HIVEP3: variants seen among roughly 807,000 people sequenced by gnomAD.
HIVEP3 encodes the protein transcription factor HIVEP3.
In HIVEP3, 49 loss-of-function variants were observed where a neutral mutation model predicts 152.8. The observed-to-expected ratio is 0.32, with a 90% CI of 0.26 to 0.41. The LOEUF (loss-of-function observed/expected upper bound fraction) is 0.41, where lower values mean the gene tolerates loss of function less well. Ranked by LOEUF, HIVEP3 falls within the 10% of genes least tolerant of loss-of-function variation. HIVEP3 has a pLI of 1.00. For synonymous variants in HIVEP3, 1,269 were observed against 1,289.0 expected (o/e 0.98, Z 0.33); for missense variants, 2,790 against 3,103.3 (o/e 0.90, Z 2.40).
At chr1:41,585,998 C>T (rs769654525) in intron 3 of HIVEP3, among the ~76,000 whole-genome samples, 30 of 152,206 alleles carry the variant, frequency 2.0e-4, no homozygotes, top group Non-Finnish European at 4.1e-4. Context: ...GAAGACAAAA[C>T]TGCAAACTAC....
At chr1:41,512,104 C>T (rs565254154) in intron 8 of HIVEP3, among the ~76,000 whole-genome samples, 6 of 152,118 alleles carry the variant, frequency 3.9e-5, no homozygotes, top group South Asian at 2.1e-4. Context: ...GGGAATTGCA[C>T]GAGTATTTAC....
At chr1:41,839,387 T>C (rs909333196) in intron 1 of HIVEP3, among the ~76,000 whole-genome samples, 6 of 152,218 alleles carry the variant, frequency 3.9e-5, no homozygotes, top group Admixed American at 3.9e-4. Context: ...TCTAAAGACC[T>C]GCAGTCCTAA....
At chr1:41,601,897 T>C (rs746974220) in intron 3 of HIVEP3, among the ~76,000 whole-genome samples, 1 of 152,190 alleles carries the variant, frequency 6.6e-6, no homozygotes, top group African/African-American at 2.4e-5. Context: ...ATGGCTTTTA[T>C]TATGTTGAAG....
chr1:41,701,050 A>C, intron 1 of HIVEP3, 55 bp from the exon 2 acceptor site: 1 of 894,036 alleles, frequency 1.1e-6, no homozygotes, highest in Non-Finnish European at 1.3e-6. Context: ...GTCAACTTTC[A>C]TCTGAGTTTG....
intron 2 of HIVEP3, among the ~76,000 whole-genome samples, chr1:41,694,412 C>T (rs1646242051): frequency 6.6e-6 from 1 of 152,168 alleles, no homozygotes; most frequent in South Asian, 2.1e-4. Flanking sequence ...TTTCCTACCA[C>T]ACCTGGCAGG....
chr1:41,799,659 C>A (rs1280984086), intron 1 of HIVEP3, among the ~76,000 whole-genome samples: 2 of 152,140 alleles, frequency 1.3e-5, no homozygotes, highest in Admixed American at 1.3e-4. Context: ...TAATACATTT[C>A]CTCTTTTTTT....
At chr1:41,811,179 G>A (rs1186148785) in intron 1 of HIVEP3, among the ~76,000 whole-genome samples, 1 of 151,146 alleles carries the variant, frequency 6.6e-6, no homozygotes, top group Non-Finnish European at 1.5e-5. Flanking sequence ...GGCAGCTAGT[G>A]AATAGTCTCC....
chr1:41,513,377 G>A lies in HIVEP3; in HGVS notation c.5844C>T (p.Gly1948=), dbSNP rs775550563. The change falls in exon 8 of 9, where the codon GGC becomes GGT. Residue 1948 remains glycine (G), a synonymous_variant. Transcript: ENST00000372583. ...CTGAGCCTGTGTCTTTCTCCACAGA[G>A]CCCAGAGGGGCCGGTCCCAGCCAGG... ...GLPWLGPAPL[G]SVEKDTGSAL... 6.2e-7 allele frequency: 1 copy of A among 1,612,016 alleles called. No homozygotes were observed. The highest frequency in any genetic ancestry group is 8.5e-7 in the Non-Finnish European group (1 of 1,179,348).
At chr1:41,734,208 C>T (rs1646882549) in intron 1 of HIVEP3, among the ~76,000 whole-genome samples, 1 of 152,220 alleles carries the variant, frequency 6.6e-6, no homozygotes, top group South Asian at 2.1e-4. Context: ...TGGATGGTGC[C>T]TTTGGCTTCA....
At chr1:41,702,909 G>A (rs1018728769) in intron 1 of HIVEP3, among the ~76,000 whole-genome samples, 1 of 152,180 alleles carries the variant, frequency 6.6e-6, no homozygotes, top group African/African-American at 2.4e-5. Flanking sequence ...ATGGAGCCAG[G>A]CTGCAGGACT....
chr1:41,957,220 A>G (rs1034058159), intron 1 of HIVEP3, among the ~76,000 whole-genome samples: 18 of 116,406 alleles, frequency 1.5e-4, no homozygotes, highest in African/African-American at 4.9e-4. Context: ...CAAAAAAACT[A>G]AAAGTTTTGC....
intron 1 of HIVEP3, among the ~76,000 whole-genome samples, chr1:41,960,486 T>A (rs1247194791): frequency 6.6e-6 from 1 of 152,134 alleles, no homozygotes; most frequent in African/African-American, 2.4e-5. Flanking sequence ...TACAGGGGAA[T>A]AAGAGTTCAA....
intron 5 of HIVEP3, among the ~76,000 whole-genome samples, chr1:41,544,746 A>ACTACCACCT (rs1643641704): frequency 2.3e-5 from 3 of 131,416 alleles, no homozygotes; most frequent in Non-Finnish European, 3.3e-5. Flanking sequence ...CATCACCACC[A>ACTACCACCT]CTACCACCAC....
chr1:41,891,581 C>T (rs866416805), intron 1 of HIVEP3, among the ~76,000 whole-genome samples: 2 of 152,118 alleles, frequency 1.3e-5, no homozygotes, highest in Non-Finnish European at 2.9e-5. Flanking sequence ...TCGGTGTGTC[C>T]CCAGCACAGC....
chr1:41,583,841 G>A lies in HIVEP3; in HGVS notation c.957C>T (p.Ser319=). 1 of 1,609,110 alleles carries A rather than the reference G, an allele frequency of 6.2e-7. No individual in the cohort carries two copies. The highest frequency in any genetic ancestry group is 8.5e-7 in the Non-Finnish European group (1 of 1,177,158). The part of the protein sequence containing the change: ...SGLYSSGSHS[S]SHERCSLSQS... The stretch of plus-strand genomic sequence containing the variant: ...GGGACAGGGAACAGCGTTCGTGGCT[G>A]GAACTGTGGCTCCCAGAGCTGTATA... The change falls in exon 4 of 9, where the codon TCC becomes TCT. Residue 319 remains serine, a synonymous_variant. Transcript: ENST00000372583. The surrounding 1 kb of genome is among the most constrained non-coding windows in gnomAD (Gnocchi z 6.9).
intron 5 of HIVEP3, 109 bp from the exon 6 acceptor site, chr1:41,525,019 A>G (rs1642860098): frequency 3.8e-6 from 4 of 1,040,796 alleles, no homozygotes; most frequent in Non-Finnish European, 5.6e-6. Flanking sequence ...TACAGACGCA[A>G]GGAATGGAGG....
chr1:41,704,721 T>C (rs980619320), intron 1 of HIVEP3, among the ~76,000 whole-genome samples: 1 of 152,250 alleles, frequency 6.6e-6, no homozygotes, highest in Non-Finnish European at 1.5e-5. Flanking sequence ...CAGCTGCCCA[T>C]GTCTGTTTCC....
chr1:41,827,678 TAATA>T (rs1393717593), intron 1 of HIVEP3, among the ~76,000 whole-genome samples: 2 of 152,202 alleles, frequency 1.3e-5, no homozygotes, highest in Non-Finnish European at 2.9e-5. Context: ...TGTAGATCAT[TAATA>T]AATATATTAA....
chr1:41,577,706 A>G (rs1644347440), intron 4 of HIVEP3, among the ~76,000 whole-genome samples: 1 of 152,216 alleles, frequency 6.6e-6, no homozygotes, highest in Non-Finnish European at 1.5e-5. Context: ...CAGAGAATGG[A>G]AGCCGCAAGC....
Sources: gnomAD v4.1 joint callset for allele counts (sites outside exome capture counted in the v4.1 genomes callset) on GRCh38, gnomAD v4.1.1 for gene constraint, Gnocchi (gnomAD v3.1) non-coding constraint, MANE v1.5 for transcripts, NCBI Gene and HGNC (gene_info 2026-07-23, HGNC 2026-07-21) for gene names.